The following FAM184B variants were observed in gnomAD, a reference collection of about 807,000 sequenced individuals.
The protein encoded by FAM184B is protein FAM184B.
A neutral mutation model predicts 135.9 loss-of-function variants in FAM184B; 111 were observed. The ratio of observed to expected loss-of-function variants is 0.82; its 90% CI spans 0.70 to 0.96. The LOEUF is 0.96. FAM184B is among the 40% of genes least tolerant of loss of function. The pLI is 0.00. For missense variants in FAM184B, 1,375 were observed against 1,323.9 expected (o/e 1.04, Z -0.60); for synonymous variants, 552 against 524.8 (o/e 1.05, Z -0.71).
At chr4:17,680,461 C>T (rs1396814671) in intron 7 of FAM184B, among the ~76,000 whole-genome samples, 1 of 152,052 alleles carries the variant, frequency 6.6e-6, no homozygotes, top group East Asian at 1.9e-4. Context: ...CACCTGTTCC[C>T]CAAAACCCTA....
At chr4:17,737,653 C>T (rs754004967) in intron 1 of FAM184B, among the ~76,000 whole-genome samples, 17 of 152,220 alleles carry the variant, frequency 1.1e-4, no homozygotes, top group Admixed American at 7.8e-4. Context: ...ATTTATCTTT[C>T]GATTTTCAGT....
At position 17,688,492 on chromosome 4, in the gene FAM184B, G is replaced by C. The variant is rs796811510; in HGVS notation, c.1528C>G (p.Arg510Gly). ...GGACTTTCCTCAGCTCCTGTGGGGC[G>C]TGTCTTATTTTGTTGGATAAATTCT... ...LEEFIQQNKT[R>G]PTGAEESPQE... is the part of the protein sequence containing the mutation. Residue 510 changes from arginine to glycine, a missense_variant, in exon 7 of 18, where the codon CGC (arginine) becomes GGC (glycine). Transcript: ENST00000265018. 1.3e-6 allele frequency: 2 copies of C among 1,550,804 alleles called. No individual in the cohort carries two copies. The highest frequency in any genetic ancestry group is 1.7e-6 in the Non-Finnish European group (2 of 1,146,774).
rs186172812 is a variant in FAM184B, at chr4:17,772,029, G to T, written c.141+9130C>A. Among the ~76,000 whole-genome samples the T allele has an allele frequency of 2.2e-4, 34 of 152,288 alleles. No homozygotes were observed. The East Asian group carries it at 3.1e-3, about 14-fold the overall frequency. Reference sequence around the variant, plus strand: ...GCCACTTTGAAGAGGTGGTGATTTAGCTGATACCAGCTACACAGGGATCCA... The same window carrying T: ...GCCACTTTGAAGAGGTGGTGATTTATCTGATACCAGCTACACAGGGATCCA... On this transcript the variant is annotated intron_variant, in intron 1 of 17. Transcript: ENST00000265018.
rs1477354305 is a variant in FAM184B at position 17,730,518 on chromosome 4, A to AG, written c.142-20875dup. The stretch of plus-strand genomic sequence containing the variant: ...AAATGTTAAGGGCAGCCAGAGAGAA[A>AG]GGTCAGGTTACCCACAAAGGGAAGC... On this transcript the variant is annotated intron_variant, in intron 1 of 17. Coordinates refer to ENST00000265018, the MANE Select transcript of FAM184B (RefSeq NM_015688.2). 2.6e-5 allele frequency among the ~76,000 whole-genome samples: 4 copies of AG among 152,350 alleles called. No individual in the cohort carries two copies. In the East Asian group the frequency reaches 7.7e-4, roughly 29 times the overall value.
intron 1 of FAM184B, among the ~76,000 whole-genome samples, chr4:17,773,372 T>G (rs1718860180): frequency 6.6e-6 from 1 of 152,162 alleles, no homozygotes; most frequent in African/African-American, 2.4e-5. Context: ...CTGGCAGAGA[T>G]CCAAAACAAG....
At position 17,636,655 on chromosome 4, in the gene FAM184B, G is replaced by A. The variant is rs761113022; in HGVS notation, c.2667-10C>T. The A allele has an allele frequency of 6.5e-7, 1 of 1,538,056 alleles. No individual in the cohort carries two copies. The highest frequency in any genetic ancestry group is 8.8e-7 in the Non-Finnish European group (1 of 1,140,124). The stretch of plus-strand genomic sequence containing the variant: ...TCCGGAATCTTTCAGTCTGTTCCAA[G>A]CAGGCATGCAGTCAAGTCCCCCTTA... On this transcript the variant is annotated splice_polypyrimidine_tract_variant and intron_variant, in intron 14 of 17. Transcript: ENST00000265018.
At chr4:17,729,790 G>A (rs552463286) in intron 1 of FAM184B, among the ~76,000 whole-genome samples, 39 of 152,278 alleles carry the variant, frequency 2.6e-4, no homozygotes, top group Non-Finnish European at 5.0e-4. Context: ...GAGACCAAAA[G>A]TAGATAAAAC....
intron 16 of FAM184B, among the ~76,000 whole-genome samples, chr4:17,634,438 C>T (rs1715062602): frequency 6.6e-6 from 1 of 152,148 alleles, no homozygotes; most frequent in Non-Finnish European, 1.5e-5. Flanking sequence ...ATTCTCCTAC[C>T]TCGGCCTCCT....
intron 5 of FAM184B, among the ~76,000 whole-genome samples, chr4:17,695,245 C>G (rs976011886): frequency 2.0e-5 from 3 of 151,940 alleles, no homozygotes; most frequent in Non-Finnish European, 2.9e-5. Context: ...TCACTGCACC[C>G]TTGACCACCC....
chr4:17,685,471 C>A (rs1300919290), intron 7 of FAM184B, among the ~76,000 whole-genome samples: 1 of 150,584 alleles, frequency 6.6e-6, no homozygotes, highest in Non-Finnish European at 1.5e-5. Flanking sequence ...ATCGCTTGAA[C>A]CCGGGAGGTG....
chr4:17,658,528 G>A lies in FAM184B; in HGVS notation c.1859C>T (p.Thr620Ile), dbSNP rs1305236892. 2 of 1,551,380 alleles carry A rather than the reference G, an allele frequency of 1.3e-6. No homozygotes were observed. The highest frequency in any genetic ancestry group is 1.7e-4 in the Middle Eastern group (1 of 5,856). Residue 620 changes from threonine (T) to isoleucine (I), a missense_variant, in exon 10 of 18, where the codon ACC becomes ATC. Coordinates refer to ENST00000265018, the MANE Select transcript of FAM184B (RefSeq NM_015688.2). Reference protein sequence around the residue: ...SQMQQALEQCTSNYREDLQAL... With the variant: ...SQMQQALEQCISNYREDLQAL... The stretch of plus-strand genomic sequence containing the variant: ...CTGCAGGTCCTCCCTGTAGTTGCTG[G>A]TGCACTGCTCCAGAGCCTGCTGCAT...
intron 5 of FAM184B, among the ~76,000 whole-genome samples, chr4:17,704,573 G>A (rs1334961367): frequency 6.6e-6 from 1 of 152,166 alleles, no homozygotes; most frequent in Non-Finnish European, 1.5e-5. Context: ...TGCCCTCTGT[G>A]GGGGCCCAGG....
intron 1 of FAM184B, among the ~76,000 whole-genome samples, chr4:17,713,831 C>A (rs1717343571): frequency 6.6e-6 from 1 of 152,082 alleles, no homozygotes; most frequent in Non-Finnish European, 1.5e-5. Context: ...TACCTGCTGG[C>A]CAATAAGACA....
rs534200325 is a variant in FAM184B, at chr4:17,781,141, C to A, written c.141+18G>T. On this transcript the variant is annotated intron_variant, in intron 1 of 17. Coordinates refer to ENST00000265018, the MANE Select transcript of FAM184B (RefSeq NM_015688.2). This position sits in a 1 kb window ranked among gnomAD's most constrained non-coding sequence, Gnocchi z 6.5. ...GCCCCGGGCGTGCAGCTCGCTGGCC[C>A]GCTGCGCCCCACCTTACCTTGGTGA... 6 of 1,517,136 alleles carry A rather than the reference C, an allele frequency of 4.0e-6. No homozygotes were observed. The South Asian group carries it at 6.3e-5, about 16-fold the overall frequency. The allele number at this position is 1,517,136 out of a possible 1,614,324, so 94.0% of individuals were successfully genotyped here.
chr4:17,654,875 C>T (rs763935285), intron 10 of FAM184B, among the ~76,000 whole-genome samples: 11 of 152,186 alleles, frequency 7.2e-5, no homozygotes, highest in Middle Eastern at 3.4e-3. Flanking sequence ...TTTTTTGAGA[C>T]GAGGTCTCAC....
At chr4:17,684,942 A>C (rs1320541178) in intron 7 of FAM184B, among the ~76,000 whole-genome samples, 1 of 152,156 alleles carries the variant, frequency 6.6e-6, no homozygotes, top group African/African-American at 2.4e-5. Flanking sequence ...TAACACACGA[A>C]CAGAAAACCA....
At chr4:17,695,318 A>G (rs554717401) in intron 5 of FAM184B, among the ~76,000 whole-genome samples, 36 of 152,134 alleles carry the variant, frequency 2.4e-4, no homozygotes, top group Non-Finnish European at 3.5e-4. Flanking sequence ...GCATGCCACC[A>G]TGCCCAGCTA....
At chr4:17,742,166 A>ATTTTTTT (rs1313249091) in intron 1 of FAM184B, among the ~76,000 whole-genome samples, 7 of 36,688 alleles carry the variant, frequency 1.9e-4, no homozygotes, top group African/African-American at 1.4e-3. Flanking sequence ...ATATATATAT[A>ATTTTTTT]TATTTTTTTT....
chr4:17,742,687 G>A (rs1177438677), intron 1 of FAM184B, among the ~76,000 whole-genome samples: 1 of 152,228 alleles, frequency 6.6e-6, no homozygotes, highest in African/African-American at 2.4e-5. Flanking sequence ...ACTTCAGACA[G>A]TGCGGCTTCA....
Sources: gnomAD v4.1 joint callset for allele counts (sites outside exome capture counted in the v4.1 genomes callset) on GRCh38, gnomAD v4.1.1 for gene constraint, Gnocchi (gnomAD v3.1) non-coding constraint, MANE v1.5 for transcripts, NCBI Gene and HGNC (gene_info 2026-07-23, HGNC 2026-07-21) for gene names.